Variants in DLGAP1 observed in about 807,000 individuals in gnomAD.
DLGAP1 encodes the protein disks large-associated protein 1.
A neutral mutation model predicts 90.8 loss-of-function variants in DLGAP1; 11 were observed. The observed-to-expected ratio is 0.12, with a 90% CI of 0.08 to 0.20. DLGAP1 has a LOEUF of 0.20. DLGAP1 is among the 10% of genes least tolerant of loss of function. DLGAP1 has a pLI of 1.00. For synonymous variants in DLGAP1, 558 were observed against 540.7 expected, an observed-to-expected ratio of 1.03 and a Z score of -0.44; for missense variants, 1,050 against 1,333.8, an observed-to-expected ratio of 0.79 and a Z score of 3.31.
chr18:4,249,167 T>C (rs2078722297), intron 1 of DLGAP1, among the ~76,000 whole-genome samples: 1 of 152,178 alleles, frequency 6.6e-6, no homozygotes, highest in Non-Finnish European at 1.5e-5. Flanking sequence ...TAATCACTTA[T>C]TTTGTTCATT....
chr18:4,285,945 C>T (rs2079678825), intron 1 of DLGAP1, among the ~76,000 whole-genome samples: 1 of 152,150 alleles, frequency 6.6e-6, no homozygotes, highest in Non-Finnish European at 1.5e-5. Flanking sequence ...GCTTTAATAA[C>T]CTCCTGATGA....
chr18:4,406,817 G>T lies in DLGAP1; in HGVS notation c.-267+48189C>A, dbSNP rs114848358. ...ATCGGGAGAAATCTTATAAGCATGAGAACTGTATAAAATATAAAATTAGTG... is the reference window on the plus strand; with the variant it reads ...ATCGGGAGAAATCTTATAAGCATGATAACTGTATAAAATATAAAATTAGTG... On this transcript the variant is annotated intron_variant, in intron 1 of 12. Coordinates refer to ENST00000315677, the MANE Select transcript of DLGAP1 (RefSeq NM_004746.4). Among the ~76,000 whole-genome samples the T allele has an allele frequency of 5.4e-3, 817 of 152,286 alleles. 5 individuals are homozygous for T. Among genetic ancestry groups the T allele is most frequent in the African/African-American group, 0.018 (763 of 41,570 alleles).
intron 5 of DLGAP1, among the ~76,000 whole-genome samples, chr18:3,793,881 T>C (rs2065863209): frequency 6.6e-6 from 1 of 152,166 alleles, no homozygotes; most frequent in Non-Finnish European, 1.5e-5. Context: ...TTTTCCTTCT[T>C]AGCCGTTATC....
chr18:3,826,360 T>C (rs2067711588), intron 4 of DLGAP1, among the ~76,000 whole-genome samples: 1 of 152,040 alleles, frequency 6.6e-6, no homozygotes. Context: ...CAATGATACG[T>C]ACTATGGAAA....
chr18:3,581,218 C>T (rs1169363245), intron 8 of DLGAP1, among the ~76,000 whole-genome samples: 4 of 152,224 alleles, frequency 2.6e-5, no homozygotes, highest in South Asian at 4.1e-4. Context: ...ATGAGGGGTG[C>T]TGACACAGTC....
In DLGAP1 at chr18:3,879,474, G is replaced by A. The variant is rs1285537758; in HGVS notation, c.595C>T (p.Pro199Ser). Residue 199 changes from proline to serine, a missense_variant, in exon 4 of 13, where the codon CCG (proline) becomes TCG (serine). Pro to Ser is a moderately conservative substitution (Grantham distance 74). Coordinates refer to ENST00000315677, the MANE Select transcript of DLGAP1 (RefSeq NM_004746.4). The surrounding 1 kb of genome is among the most constrained non-coding windows in gnomAD (Gnocchi z 6.6). ...TTGTCGTCCGAGCTCCACCAGCCCGGGGAGGTGCTGGGCCGGGCCTTGGGC... is the reference window on the plus strand; with the variant it reads ...TTGTCGTCCGAGCTCCACCAGCCCGAGGAGGTGCTGGGCCGGGCCTTGGGC... Reference protein sequence around the residue: ...AEPKARPSTSPGWWSSDDNLD... With the variant: ...AEPKARPSTSSGWWSSDDNLD... 6.2e-7 allele frequency: 1 copy of A among 1,605,482 alleles called. No individual in the cohort carries two copies. Among genetic ancestry groups the A allele is most frequent in the African/African-American group, 1.3e-5 (1 of 75,062 alleles).
At chr18:3,934,299 C>A (rs1293357073) in intron 3 of DLGAP1, among the ~76,000 whole-genome samples, 2 of 152,198 alleles carry the variant, frequency 1.3e-5, no homozygotes, top group Non-Finnish European at 1.5e-5. Context: ...ACATGTTAGA[C>A]AAGCCAGGCA....
At chr18:3,687,313 T>G (rs1007377673) in intron 7 of DLGAP1, among the ~76,000 whole-genome samples, 3 of 152,230 alleles carry the variant, frequency 2.0e-5, no homozygotes, top group African/African-American at 7.2e-5. Flanking sequence ...AGCCTGTGGG[T>G]GCCCAGGTAG....
chr18:3,570,232 G>A (rs576985764), intron 8 of DLGAP1, among the ~76,000 whole-genome samples: 35 of 151,760 alleles, frequency 2.3e-4, no homozygotes, highest in Non-Finnish European at 4.0e-4. Context: ...ACCTGTTTCT[G>A]GCCTATTGAT....
At chr18:3,510,756 C>T (rs1051451262) in intron 10 of DLGAP1, among the ~76,000 whole-genome samples, 10 of 152,162 alleles carry the variant, frequency 6.6e-5, no homozygotes, top group African/African-American at 1.4e-4. Flanking sequence ...TCTGACTTAC[C>T]TAAAAACTTT....
At chr18:3,523,948 G>T (rs897343951) in intron 10 of DLGAP1, among the ~76,000 whole-genome samples, 2 of 151,764 alleles carry the variant, frequency 1.3e-5, no homozygotes, top group Admixed American at 6.6e-5. Context: ...ATGGGCAAAA[G>T]ATCTGAACAG....
chr18:3,978,193 G>C (rs891570065), intron 3 of DLGAP1: 24 of 423,514 alleles, frequency 5.7e-5, no homozygotes, highest in African/African-American at 4.9e-4. Context: ...AGGCGTTGCC[G>C]ATGATCTTGA....
At chr18:4,290,769 T>C (rs2079826515) in intron 1 of DLGAP1, among the ~76,000 whole-genome samples, 1 of 152,142 alleles carries the variant, frequency 6.6e-6, no homozygotes, top group Admixed American at 6.5e-5. Context: ...GTTATGAGTA[T>C]TGAAAAGGGA....
chr18:3,689,662 G>C (rs891287885), intron 7 of DLGAP1, among the ~76,000 whole-genome samples: 1 of 152,062 alleles, frequency 6.6e-6, no homozygotes, highest in African/African-American at 2.4e-5. Context: ...CTAGGTCTAG[G>C]ACCCACACAA....
intron 7 of DLGAP1, among the ~76,000 whole-genome samples, chr18:3,657,576 A>G (rs191827982): frequency 3.9e-5 from 6 of 151,968 alleles, no homozygotes; most frequent in Admixed American, 2.6e-4. Context: ...GGCAAATTCC[A>G]TATAGTGAAT....
intron 7 of DLGAP1, among the ~76,000 whole-genome samples, chr18:3,686,223 A>G (rs2060699121): frequency 6.6e-6 from 1 of 152,174 alleles, no homozygotes; most frequent in African/African-American, 2.4e-5. Flanking sequence ...ATAAATAAAT[A>G]AAATGAAAAT....
At chr18:3,900,233 A>G (rs2148878644) in intron 3 of DLGAP1, among the ~76,000 whole-genome samples, 1 of 152,288 alleles carries the variant, frequency 6.6e-6, no homozygotes, top group East Asian at 1.9e-4. Context: ...TATTGGCAAC[A>G]CAGCGTGTCT....
At chr18:4,273,893 C>A (rs2079343295) in intron 1 of DLGAP1, among the ~76,000 whole-genome samples, 1 of 140,132 alleles carries the variant, frequency 7.1e-6, no homozygotes. Context: ...AATTTGTCTT[C>A]TCTCTTTTTT....
At chr18:4,015,081 G>A (rs2074498082) in intron 2 of DLGAP1, among the ~76,000 whole-genome samples, 1 of 152,118 alleles carries the variant, frequency 6.6e-6, no homozygotes. Context: ...AAGAGAAAGT[G>A]TTTAAAGGAT....
Sources: allele counts gnomAD v4.1 joint callset (sites outside exome capture counted in the v4.1 genomes callset), GRCh38; gene constraint gnomAD v4.1.1; non-coding constraint Gnocchi (gnomAD v3.1); transcripts MANE v1.5; gene names NCBI Gene and HGNC (gene_info 2026-07-23, HGNC 2026-07-21).